Variants in HYCC2 observed in about 807,000 individuals in gnomAD.
The protein encoded by HYCC2 is hyccin PI4KA lipid kinase complex subunit 2.
At chr2:201,009,510 A>C in the HYCC2 span, 1 of 156,182 alleles carries the variant, frequency 6.4e-6, no homozygotes, top group Non-Finnish European at 1.4e-5. Flanking sequence ...CCCAGGTTGG[A>C]GTGCAGTGGC....
At chr2:201,052,726 C>T in the HYCC2 span, among the ~76,000 whole-genome samples, 3 of 152,136 alleles carry the variant, frequency 2.0e-5, no homozygotes, top group East Asian at 5.8e-4. Context: ...TTCCAGGCTG[C>T]AGGGTAAGGA....
the HYCC2 span, among the ~76,000 whole-genome samples, chr2:201,057,726 G>GA: frequency 3.6e-4 from 52 of 145,210 alleles, no homozygotes; most frequent in Admixed American, 5.5e-4. Flanking sequence ...AGGAAAGAAG[G>GA]AAAAAAAAAA....
the HYCC2 span, among the ~76,000 whole-genome samples, chr2:201,053,445 C>G: frequency 6.6e-6 from 1 of 152,250 alleles, no homozygotes; most frequent in South Asian, 2.1e-4. Flanking sequence ...TATAGGAATG[C>G]GAAACTATCC....
At chr2:201,024,242 C>A in the HYCC2 span, among the ~76,000 whole-genome samples, 1 of 152,094 alleles carries the variant, frequency 6.6e-6, no homozygotes, top group Non-Finnish European at 1.5e-5. Flanking sequence ...TGAATCTCAA[C>A]ACTTTGGGAA....
chr2:200,985,873 T>C, the HYCC2 span, among the ~76,000 whole-genome samples: 1,467 of 152,114 alleles, frequency 9.6e-3, 28 homozygotes, highest in African/African-American at 0.034. Context: ...TATGACTCGA[T>C]GTACTGGAAG....
At chr2:200,981,545 T>G in the HYCC2 span, 1 of 1,614,212 alleles carries the variant, frequency 6.2e-7, no homozygotes, top group Non-Finnish European at 8.5e-7. This position sits in a 1 kb window ranked among gnomAD's most constrained non-coding sequence, Gnocchi z 4.5. Flanking sequence ...AAGCTATTGA[T>G]TTTTGGCACC....
At chr2:201,007,314 T>C in the HYCC2 span, among the ~76,000 whole-genome samples, 1 of 152,222 alleles carries the variant, frequency 6.6e-6, no homozygotes, top group African/African-American at 2.4e-5. Flanking sequence ...TAGTCCAGCC[T>C]ACCTTAAATG....
chr2:201,019,905 C>T, the HYCC2 span, among the ~76,000 whole-genome samples: 4 of 152,010 alleles, frequency 2.6e-5, no homozygotes, highest in African/African-American at 7.2e-5. Context: ...GCCTTGAACA[C>T]CGTGAGACTC....
the HYCC2 span, among the ~76,000 whole-genome samples, chr2:200,994,438 T>C: frequency 2.0e-5 from 3 of 152,098 alleles, no homozygotes; most frequent in Admixed American, 6.6e-5. Context: ...GGTTTCACTA[T>C]GTTGGCCAGG....
At chr2:201,032,318 A>C in the HYCC2 span, among the ~76,000 whole-genome samples, 1 of 152,072 alleles carries the variant, frequency 6.6e-6, no homozygotes, top group Non-Finnish European at 1.5e-5. Context: ...CTTTATCCTA[A>C]TTCATTTTTT....
the HYCC2 span, among the ~76,000 whole-genome samples, chr2:200,982,646 A>G: frequency 5.9e-5 from 9 of 152,118 alleles, no homozygotes. Context: ...ATTTTATGTA[A>G]TTATTTCTAT....
chr2:201,066,951 C>T, the HYCC2 span: 2 of 220,170 alleles, frequency 9.1e-6, no homozygotes, highest in Non-Finnish European at 1.8e-5. Flanking sequence ...ACCACTATAC[C>T]ATCATCAAGT....
chr2:200,981,139 T>C, the HYCC2 span: 5 of 1,077,884 alleles, frequency 4.6e-6, no homozygotes, highest in Admixed American at 4.5e-5. This position sits in a 1 kb window ranked among gnomAD's most constrained non-coding sequence, Gnocchi z 4.5. Flanking sequence ...AAATACAGTA[T>C]GAAGATACCT....
the HYCC2 span, among the ~76,000 whole-genome samples, chr2:201,062,708 C>T: frequency 6.7e-6 from 1 of 149,844 alleles, no homozygotes; most frequent in Non-Finnish European, 1.5e-5. Context: ...ATCCCAGCTA[C>T]TCAAGAGGCA....
the HYCC2 span, chr2:201,008,886 G>A: frequency 3.5e-6 from 3 of 851,898 alleles, no homozygotes; most frequent in South Asian, 3.0e-5. Flanking sequence ...CTGGGTGACA[G>A]AGTGAGACTC....
chr2:201,020,449 G>A, the HYCC2 span, among the ~76,000 whole-genome samples: 1 of 152,108 alleles, frequency 6.6e-6, no homozygotes, highest in African/African-American at 2.4e-5. Flanking sequence ...ATTTTATGAA[G>A]TTCATCTGTG....
chr2:201,011,301 T>C, the HYCC2 span: 1 of 677,478 alleles, frequency 1.5e-6, no homozygotes, highest in Non-Finnish European at 2.4e-6. Flanking sequence ...GTAAAGATAT[T>C]TTAGGAATAT....
the HYCC2 span, chr2:201,071,389 A>T: frequency 3.9e-5 from 6 of 152,126 alleles, no homozygotes; most frequent in African/African-American, 1.5e-4. Flanking sequence ...GTCGCCCCAC[A>T]AGGCTCGGCT....
At chr2:200,998,915 C>A in the HYCC2 span, among the ~76,000 whole-genome samples, 1 of 152,142 alleles carries the variant, frequency 6.6e-6, no homozygotes, top group African/African-American at 2.4e-5. Flanking sequence ...GATCTGGAAG[C>A]AGCCATACTT....
Sources: allele counts gnomAD v4.1 joint callset (sites outside exome capture counted in the v4.1 genomes callset), GRCh38; gene constraint gnomAD v4.1.1; non-coding constraint Gnocchi (gnomAD v3.1); transcripts MANE v1.5; gene names NCBI Gene and HGNC (gene_info 2026-07-23, HGNC 2026-07-21).